RBFOX1: variants seen among roughly 807,000 people sequenced by gnomAD.
The protein encoded by RBFOX1 is RNA binding fox-1 homolog 1.
RBFOX1 carries 8 observed loss-of-function variants against 57.7 expected under a neutral mutation model. The observed-to-expected ratio is 0.14, with a 90% confidence interval of 0.08 to 0.25. RBFOX1 has a LOEUF of 0.25. RBFOX1 is among the 10% of genes least tolerant of loss of function. The pLI is 1.00. For missense variants in RBFOX1, 611 were observed against 548.5 expected, an observed-to-expected ratio of 1.11 and a Z score of -1.14; for synonymous variants, 326 against 222.4, an observed-to-expected ratio of 1.47 and a Z score of -4.15.
chr16:6,664,170 C>T (rs1603250568), intron 3 of RBFOX1, among the ~76,000 whole-genome samples: 1 of 151,984 alleles, frequency 6.6e-6, no homozygotes, highest in African/African-American at 2.4e-5. Context: ...CCATCTCTAG[C>T]CAAGGAATGG....
In RBFOX1 at chr16:5,504,819, C is replaced by T. The variant is rs148613908; in HGVS notation, c.258+37565C>T. On this transcript the variant is annotated intron_variant, in intron 2 of 2. Transcript: ENST00000585867. ...GGGAGTAACTGGCCATGAGCGGTGA[C>T]GTTGGAGCTGGCATGAGGGCTTGCT... Among the ~76,000 whole-genome samples, 457 of 152,242 alleles carry T rather than the reference C, an allele frequency of 3.0e-3. 1 individual carries two copies. Among genetic ancestry groups the T allele is most frequent in the Non-Finnish European group, 4.8e-3 (329 of 68,022 alleles).
chr16:6,006,676 A>G (rs1262045868), intron 4 of RBFOX1, among the ~76,000 whole-genome samples: 1 of 152,196 alleles, frequency 6.6e-6, no homozygotes, highest in Non-Finnish European at 1.5e-5. Flanking sequence ...TCAGAAGGGG[A>G]AGAGAGAGAC....
chr16:6,812,847 G>C (rs952499793), intron 3 of RBFOX1, among the ~76,000 whole-genome samples: 2 of 152,174 alleles, frequency 1.3e-5, no homozygotes, highest in Non-Finnish European at 2.9e-5. Context: ...AGAAGATGGA[G>C]CACTTAGAAA....
chr16:6,638,286 C>G (rs763226699), intron 2 of RBFOX1, among the ~76,000 whole-genome samples: 1 of 152,092 alleles, frequency 6.6e-6, no homozygotes, highest in Non-Finnish European at 1.5e-5. Flanking sequence ...TTTTCCTATG[C>G]TCATGTAAGA....
At position 5,826,131 on chromosome 16, in the gene RBFOX1, T is replaced by TATTCCTTAATATGAATAAGGAATAA. The variant is rs1567592516; in HGVS notation, c.319-41172_319-41171insATTCCTTAATATGAATAAGGAATAA. ...TATTCCTTAATATGAATAAGGAATA[T>TATTCCTTAATATGAATAAGGAATAA]TATTCCTTATATATATTATTATATA... On this transcript the variant is annotated intron_variant, in intron 3 of 19. Transcript: ENST00000641259. Among the ~76,000 whole-genome samples the TATTCCTTAATATGAATAAGGAATAA allele has an allele frequency of 3.3e-3, 283 of 85,966 alleles. 14 individuals carry two copies. Among genetic ancestry groups the TATTCCTTAATATGAATAAGGAATAA allele is most frequent in the African/African-American group, 5.1e-3 (122 of 24,080 alleles). The allele number at this position is 85,966 out of a possible 152,430, so 56.4% of individuals were successfully genotyped here. A position where few individuals can be genotyped will look rare whatever the true frequency, so the allele number is the denominator to read the frequency against.
intron 2 of RBFOX1, among the ~76,000 whole-genome samples, chr16:6,429,854 A>T (rs975625623): frequency 6.6e-6 from 1 of 152,180 alleles, no homozygotes; most frequent in African/African-American, 2.4e-5. Context: ...CATACCTGTA[A>T]TCCCAGCACT....
At chr16:7,178,371 G>A (rs1380655984) in intron 4 of RBFOX1, among the ~76,000 whole-genome samples, 3 of 152,286 alleles carry the variant, frequency 2.0e-5, no homozygotes, top group African/African-American at 7.2e-5. Context: ...AACAATTTGG[G>A]CATAGCTACT....
intron 4 of RBFOX1, among the ~76,000 whole-genome samples, chr16:7,161,181 A>T (rs963898251): frequency 7.2e-5 from 11 of 152,162 alleles, no homozygotes; most frequent in African/African-American, 2.2e-4. Flanking sequence ...GGAAGTGGCT[A>T]TCTGCAGCAG....
intron 4 of RBFOX1, among the ~76,000 whole-genome samples, chr16:7,069,984 T>C (rs2056986186): frequency 6.6e-6 from 1 of 152,222 alleles, no homozygotes; most frequent in African/African-American, 2.4e-5. Context: ...CAAGTAAGGT[T>C]TTCTGATCAG....
intron 1 of RBFOX1, among the ~76,000 whole-genome samples, chr16:5,321,932 C>G (rs561083445): frequency 6.6e-6 from 1 of 152,280 alleles, no homozygotes; most frequent in Non-Finnish European, 1.5e-5. Context: ...GCTCATTGCT[C>G]TCTTGCTACC....
intron 1 of RBFOX1, among the ~76,000 whole-genome samples, chr16:6,153,761 C>G (rs1254755013): frequency 1.3e-5 from 2 of 152,162 alleles, no homozygotes; most frequent in African/African-American, 4.8e-5. Context: ...GTCTCAAACT[C>G]CTGACCTCAG....
In RBFOX1 at chr16:6,019,957, G is replaced by T; in HGVS notation, c.-162G>T. On this transcript the variant is annotated 5_prime_UTR_variant, in exon 1 of 16. Coordinates refer to ENST00000550418, the MANE Select transcript of RBFOX1 (RefSeq NM_018723.4). The surrounding 1 kb of genome is among the most constrained non-coding windows in gnomAD (Gnocchi z 4.2). ...CGGGAATTCGGGGGTCTGGGGCCGA[G>T]AACGTGACCGCAGCCGGGCTCGCCG... 6.5e-7 allele frequency: 1 copy of T among 1,532,534 alleles called. No homozygotes were observed. The highest frequency in any genetic ancestry group is 8.7e-7 in the Non-Finnish European group (1 of 1,144,700). 94.9% of individuals were successfully genotyped at this position (1,532,534 alleles called of 1,614,324 possible).
intron 2 of RBFOX1, among the ~76,000 whole-genome samples, chr16:5,570,981 A>G (rs1197222011): frequency 6.6e-6 from 1 of 152,096 alleles, no homozygotes; most frequent in Non-Finnish European, 1.5e-5. Context: ...AGTATTGCCT[A>G]TTTTATTTTC....
chr16:5,906,607 A>G (rs556239161), intron 4 of RBFOX1, among the ~76,000 whole-genome samples: 6 of 151,680 alleles, frequency 4.0e-5, no homozygotes, highest in South Asian at 2.1e-4. Context: ...GCTCTTTTTC[A>G]TGGGAGTGCT....
chr16:5,969,855 A>T (rs113204145), intron 4 of RBFOX1, among the ~76,000 whole-genome samples: 56 of 151,066 alleles, frequency 3.7e-4, no homozygotes, highest in African/African-American at 1.3e-3. Flanking sequence ...CTCAGTGTGG[A>T]TGGTCCTCCA....
At position 6,529,584 on chromosome 16, in the gene RBFOX1, AT is replaced by A. The variant is rs1444236554; in HGVS notation, c.-63-125018del. Reference sequence around the variant, plus strand: ...AATAATAATAATTATTATTAATAATATATTATTATTTATCCTAAATGTAACA... The same window carrying A: ...AATAATAATAATTATTATTAATAATAATTATTATTTATCCTAAATGTAACA... On this transcript the variant is annotated intron_variant, in intron 2 of 15. Coordinates refer to ENST00000550418, the MANE Select transcript of RBFOX1 (RefSeq NM_018723.4). 4.6e-4 allele frequency among the ~76,000 whole-genome samples: 11 copies of A among 23,944 alleles called. No individual in the cohort carries two copies. The Middle Eastern group carries it at 0.094, about 204-fold the overall frequency. 15.7% of individuals were successfully genotyped at this position (23,944 alleles called of 152,430 possible).
At chr16:6,138,556 T>C (rs970518070) in intron 1 of RBFOX1, among the ~76,000 whole-genome samples, 2 of 152,084 alleles carry the variant, frequency 1.3e-5, no homozygotes, top group Admixed American at 1.3e-4. Context: ...GCTGGGAAGA[T>C]GGAATCTTAT....
At chr16:6,148,906 A>G (rs758155345) in intron 1 of RBFOX1, among the ~76,000 whole-genome samples, 6 of 152,090 alleles carry the variant, frequency 3.9e-5, no homozygotes, top group Non-Finnish European at 8.8e-5. Context: ...CTGCCACGTA[A>G]TGATTCATGT....
At chr16:7,564,894 G>A (rs926932727) in intron 5 of RBFOX1, among the ~76,000 whole-genome samples, 2 of 152,202 alleles carry the variant, frequency 1.3e-5, no homozygotes, top group African/African-American at 4.8e-5. Flanking sequence ...CATCACTGGA[G>A]CAGAGCATTG....
Sources: allele counts gnomAD v4.1 joint callset (sites outside exome capture counted in the v4.1 genomes callset), GRCh38; gene constraint gnomAD v4.1.1; non-coding constraint Gnocchi (gnomAD v3.1); transcripts MANE v1.5; gene names NCBI Gene and HGNC (gene_info 2026-07-23, HGNC 2026-07-21).